ATG2B: variants seen among roughly 807,000 people sequenced by gnomAD.
The protein encoded by ATG2B is autophagy-related protein 2 homolog B.
ATG2B carries 121 observed loss-of-function variants against 241.3 expected under a neutral mutation model. The observed-to-expected ratio is 0.50, with a 90% CI of 0.43 to 0.58. The LOEUF (loss-of-function observed/expected upper bound fraction) is 0.58. Ranked by LOEUF, ATG2B falls within the 20% of genes least tolerant of loss-of-function variation. The probability of loss-of-function intolerance (pLI) is 0.00; values close to 1 mark genes in which losing one functional copy is unlikely to be tolerated. For missense variants in ATG2B, 2,306 were observed against 2,491.6 expected (o/e 0.93, Z 1.59); for synonymous variants, 858 against 876.6 (o/e 0.98, Z 0.37).
At chr14:96,357,855 A>G (rs1043884514) in intron 1 of ATG2B, among the ~76,000 whole-genome samples, 36 of 152,182 alleles carry the variant, frequency 2.4e-4, no homozygotes, top group African/African-American at 8.2e-4. Context: ...ATTAAGCTCT[A>G]TTACTTCATA....
Position 96,328,503 on chromosome 14 carries a change from G to A in ATG2B, c.2007C>T (p.His669=). ...TTAATTTAATTTGCAATTCTGCCTT[G>A]TGAGGAACTGAACTAAGTCTTGCTT... ...GNQARLSSVP[H]KAELQIKLNP... The change falls in exon 14 of 42, where the codon CAC becomes CAT. Residue 669 remains histidine, a synonymous_variant. Transcript: ENST00000359933. 6.2e-7 allele frequency: 1 copy of A among 1,611,690 alleles called. No homozygotes were observed. Among genetic ancestry groups the A allele is most frequent in the Non-Finnish European group, 8.5e-7 (1 of 1,179,460 alleles).
rs150555538 is a variant in ATG2B, at chr14:96,289,232, T to C, written c.6006+424A>G. 6.6e-6 allele frequency among the ~76,000 whole-genome samples: 1 copy of C among 152,266 alleles called. No homozygotes were observed. Among genetic ancestry groups the C allele is most frequent in the East Asian group, 1.9e-4 (1 of 5,176 alleles). On this transcript the variant is annotated intron_variant, in intron 41 of 41. Transcript: ENST00000359933. The surrounding 1 kb of genome is among the most constrained non-coding windows in gnomAD (Gnocchi z 4.3). ...TACATAATAAAACTATATAAAAACA[T>C]GTACAAAAAAATATGTTCCACGTTC...
chr14:96,293,641 T>G (rs1390173107), intron 36 of ATG2B, among the ~76,000 whole-genome samples: 1 of 152,246 alleles, frequency 6.6e-6, no homozygotes, highest in Non-Finnish European at 1.5e-5. Context: ...GCAAGTCAAC[T>G]AATCTCTCTG....
At chr14:96,327,778 T>C (rs1454071714) in intron 14 of ATG2B, among the ~76,000 whole-genome samples, 4 of 152,308 alleles carry the variant, frequency 2.6e-5, no homozygotes, top group East Asian at 1.9e-4. Flanking sequence ...ATTTAATCCT[T>C]GATGAGCCTT....
Position 96,289,746 on chromosome 14 carries a change from C to G in ATG2B, c.5916G>C (p.Lys1972Asn). The G allele has an allele frequency of 6.2e-7, 1 of 1,614,150 alleles. No homozygotes were observed. Among genetic ancestry groups the G allele is most frequent in the Non-Finnish European group, 8.5e-7 (1 of 1,180,012 alleles). Residue 1972 changes from lysine (K) to asparagine (N), a missense_variant, in exon 41 of 42, where the codon AAG (lysine) becomes AAC (asparagine). Coordinates refer to ENST00000359933, the MANE Select transcript of ATG2B (RefSeq NM_018036.7). The surrounding 1 kb of genome is among the most constrained non-coding windows in gnomAD (Gnocchi z 4.3). ...VSPGTLSIEP[K>N]KTKRFPHHRL... ...GGTGATGAGGAAACCTTTTGGTCTTCTTGGGCTCGATAGAAAGGGTACCAG... is the reference window on the plus strand; with the variant it reads ...GGTGATGAGGAAACCTTTTGGTCTTGTTGGGCTCGATAGAAAGGGTACCAG...
chr14:96,330,546 T>C (rs1326676912), intron 11 of ATG2B, among the ~76,000 whole-genome samples: 1 of 151,522 alleles, frequency 6.6e-6, no homozygotes, highest in South Asian at 2.1e-4. Flanking sequence ...GGTGGATCAC[T>C]GGAGGGCAGG....
At chr14:96,307,976 G>A (rs1483040513) in intron 29 of ATG2B, among the ~76,000 whole-genome samples, 2 of 151,402 alleles carry the variant, frequency 1.3e-5, no homozygotes, top group African/African-American at 4.9e-5. Flanking sequence ...GAGACATACT[G>A]GCTTTAAGAG....
intron 23 of ATG2B, among the ~76,000 whole-genome samples, chr14:96,314,132 C>G (rs1887238633): frequency 6.6e-6 from 1 of 152,212 alleles, no homozygotes; most frequent in South Asian, 2.1e-4. Context: ...AACCACTTCT[C>G]TACTCCTACC....
Position 96,308,276 on chromosome 14 carries a change from ATATATATTT to A in ATG2B, c.4303+1168_4303+1176del, listed in dbSNP as rs1566719972. The stretch of plus-strand genomic sequence containing the variant: ...TACACACATATATATATATATATAT[ATATATATTT>A]TTTTTTTTTTTTTTTTTGAGACAGA... On this transcript the variant is annotated intron_variant, in intron 29 of 41. Transcript: ENST00000359933. Among the ~76,000 whole-genome samples the A allele has an allele frequency of 9.2e-4, 25 of 27,108 alleles. 1 individual carries two copies. The highest frequency in any genetic ancestry group is 2.2e-3 in the South Asian group (2 of 912). The allele number at this position is 27,108 out of a possible 152,430, so 17.8% of individuals were successfully genotyped here. A position where few individuals can be genotyped will look rare whatever the true frequency, so the allele number is the denominator to read the frequency against.
In ATG2B at chr14:96,329,626, C is replaced by A. The variant is rs1486163401; in HGVS notation, c.1739G>T (p.Gly580Val). Residue 580 changes from glycine to valine, a missense_variant, in exon 12 of 42, where the codon GGT becomes GTT. By Grantham distance (109) the Gly-to-Val change is moderately radical. Coordinates refer to ENST00000359933, the MANE Select transcript of ATG2B (RefSeq NM_018036.7). ...TTCATAGGATACTTTAATGCCAGTA[C>A]CTATAAATCTATTATAAAAAATGCA... ...ACSHDHLRFI[G>V]TGIKVSYEQR... 4 of 1,591,088 alleles carry A rather than the reference C, an allele frequency of 2.5e-6. No homozygotes were observed. In the African/African-American group the frequency reaches 4.1e-5, roughly 16 times the overall value.
intron 6 of ATG2B, among the ~76,000 whole-genome samples, chr14:96,336,335 T>A (rs1363337583): frequency 1.3e-5 from 2 of 152,188 alleles, no homozygotes; most frequent in Non-Finnish European, 1.5e-5. Context: ...AATCCAGAAC[T>A]TGTCTTTTTC....
rs1888194943 is a variant in ATG2B, at chr14:96,347,306, G to T, written c.198C>A (p.Pro66=). ...LNEILESADA[P]LEVTEGFIQS... is the part of the protein sequence containing the mutation. ...GAATGAATCCTTCAGTGACTTCTAA[G>T]GGTGCATCTGCTGACTCCAAGATCT... is the stretch of plus-strand genomic sequence containing the variant. The change falls in exon 2 of 42, where the codon CCC becomes CCA. Residue 66 remains proline, a synonymous_variant. Transcript: ENST00000359933. 1 of 1,603,052 alleles carries T rather than the reference G, an allele frequency of 6.2e-7. No homozygotes were observed. The highest frequency in any genetic ancestry group is 1.3e-5 in the African/African-American group (1 of 74,900).
chr14:96,297,709 C>A (rs1213239244), intron 34 of ATG2B, among the ~76,000 whole-genome samples: 2 of 151,994 alleles, frequency 1.3e-5, no homozygotes, highest in Non-Finnish European at 2.9e-5. Context: ...TAATCACTAG[C>A]TTTTTAAAAT....
At chr14:96,317,023 T>C (rs2139865152) in intron 20 of ATG2B, 122 bp downstream of exon 20, 2 of 958,438 alleles carry the variant, frequency 2.1e-6, no homozygotes, top group South Asian at 3.5e-5. Flanking sequence ...AGGACACTGG[T>C]CTTCATCAGT....
rs980451258 is a variant in ATG2B, at chr14:96,329,578, C to A, written c.1787G>T (p.Arg596Leu). ...AATGGACATATCAGTACTAAAATAT[C>A]GGGAAGCTGATCTTTGTCTTTGTTC... ...SYEQRQRSAS[R>L]YFSTDMSIGQ... Residue 596 changes from arginine (R) to leucine (L), a missense_variant, in exon 12 of 42, where the codon CGA becomes CTA. Coordinates refer to ENST00000359933, the MANE Select transcript of ATG2B (RefSeq NM_018036.7). 6.2e-7 allele frequency: 1 copy of A among 1,611,046 alleles called. No individual in the cohort carries two copies.
At position 96,289,070 on chromosome 14, in the gene ATG2B, A is replaced by C. The variant is rs1316977480; in HGVS notation, c.6006+586T>G. Among the ~76,000 whole-genome samples the C allele has an allele frequency of 1.3e-5, 2 of 152,208 alleles. No individual in the cohort carries two copies. The highest frequency in any genetic ancestry group is 2.9e-5 in the Non-Finnish European group (2 of 68,034). On this transcript the variant is annotated intron_variant, in intron 41 of 41. Coordinates refer to ENST00000359933, the MANE Select transcript of ATG2B (RefSeq NM_018036.7). This position sits in a 1 kb window ranked among gnomAD's most constrained non-coding sequence, Gnocchi z 4.3. ...AATACCATAAAACTGTGGAAATTAG[A>C]CCTACATGGATTAAGATTAACATGG...
At position 96,309,530 on chromosome 14, in the gene ATG2B, A is replaced by T; in HGVS notation, c.4226T>A (p.Leu1409Ter). The change falls in exon 29 of 42, where the codon TTA (leucine) becomes TAA (stop). Residue 1409 changes from leucine to a stop codon, truncating the protein, a stop_gained. Coordinates refer to ENST00000359933, the MANE Select transcript of ATG2B (RefSeq NM_018036.7). LOFTEE classifies it high-confidence loss of function. Reference sequence around the variant, plus strand: ...CATAGCATCACTCATCAGATCTCGTAACATTTGTTGATCTGCTTCAGGAAG... The same window carrying T: ...CATAGCATCACTCATCAGATCTCGTTACATTTGTTGATCTGCTTCAGGAAG... ...PVLPEADQQM[L>*]RDLMSDAMEE... The T allele has an allele frequency of 6.2e-7, 1 of 1,614,134 alleles. No individual in the cohort carries two copies. Among genetic ancestry groups the T allele is most frequent in the Non-Finnish European group, 8.5e-7 (1 of 1,179,992 alleles).
At chr14:96,314,417 TG>T (rs1469395039) in intron 23 of ATG2B, among the ~76,000 whole-genome samples, 1 of 152,208 alleles carries the variant, frequency 6.6e-6, no homozygotes, top group Non-Finnish European at 1.5e-5. Context: ...AGAGAAATCC[TG>T]ATAAAATGCT....
At chr14:96,361,508 A>G (rs1888626904) in intron 1 of ATG2B, among the ~76,000 whole-genome samples, 1 of 152,210 alleles carries the variant, frequency 6.6e-6, no homozygotes, top group Admixed American at 6.5e-5. Context: ...AAGATAACCT[A>G]TTCATAACTG....
Sources: gnomAD v4.1 joint callset for allele counts (sites outside exome capture counted in the v4.1 genomes callset) on GRCh38, gnomAD v4.1.1 for gene constraint, Gnocchi (gnomAD v3.1) non-coding constraint, MANE v1.5 for transcripts, NCBI Gene and HGNC (gene_info 2026-07-23, HGNC 2026-07-21) for gene names.